CRACD: variants seen among roughly 807,000 people sequenced by gnomAD.
CRACD encodes capping protein-inhibiting regulator of actin dynamics.
A neutral mutation model predicts 106.8 loss-of-function variants in CRACD; 56 were observed. That is an observed-to-expected ratio of 0.52 (90% CI 0.42 to 0.66). The LOEUF is 0.66. CRACD is among the 30% of genes least tolerant of loss of function. The probability of loss-of-function intolerance (pLI) is 0.00; values close to 1 mark genes in which losing one functional copy is unlikely to be tolerated. For missense variants in CRACD, 1,730 were observed against 1,623.2 expected (o/e 1.07, Z -1.13); for synonymous variants, 754 against 670.8 (o/e 1.12, Z -1.92).
At chr4:56,074,526 G>A (rs866135359) in intron 1 of CRACD, among the ~76,000 whole-genome samples, 21 of 152,140 alleles carry the variant, frequency 1.4e-4, no homozygotes, top group South Asian at 1.2e-3. Flanking sequence ...TGATTTTTGC[G>A]CATTGATTTT....
chr4:56,227,710 T>G (rs953195232), intron 2 of CRACD, among the ~76,000 whole-genome samples: 11 of 152,178 alleles, frequency 7.2e-5, no homozygotes, highest in Non-Finnish European at 1.3e-4. Context: ...AAAACTCTAT[T>G]TACGAAAACA....
chr4:56,229,266 G>A (rs1739480453), intron 2 of CRACD, among the ~76,000 whole-genome samples: 1 of 152,124 alleles, frequency 6.6e-6, no homozygotes, highest in South Asian at 2.1e-4. Flanking sequence ...AGGTGGCTCT[G>A]CCCTTATGAA....
Position 56,329,863 on chromosome 4 carries a change from T to C in CRACD, c.*2059T>C, listed in dbSNP as rs1746694484. Among the ~76,000 whole-genome samples, 1 of 152,192 alleles carries C rather than the reference T, an allele frequency of 6.6e-6. No homozygotes were observed. Among genetic ancestry groups the C allele is most frequent in the Non-Finnish European group, 1.5e-5 (1 of 68,034 alleles). On this transcript the variant is annotated 3_prime_UTR_variant, in exon 11 of 11. Coordinates refer to ENST00000682029, the MANE Select transcript of CRACD (RefSeq NM_001393381.1). ...GGAACTAAGATCAGTTACAAAAAGT[T>C]GTAGATGTGTCAACTTTGTATTGGC...
At chr4:56,169,794 T>A (rs1736290237) in intron 1 of CRACD, among the ~76,000 whole-genome samples, 1 of 152,112 alleles carries the variant, frequency 6.6e-6, no homozygotes, top group African/African-American at 2.4e-5. Flanking sequence ...ACTGGCCCGT[T>A]AAGAGTATTG....
intron 2 of CRACD, among the ~76,000 whole-genome samples, chr4:56,215,450 G>T (rs1738628132): frequency 6.6e-6 from 1 of 152,202 alleles, no homozygotes; most frequent in Non-Finnish European, 1.5e-5. Context: ...TAATGCTGGG[G>T]CAACATAAAT....
rs556104220 is a variant in CRACD at position 56,148,251 on chromosome 4, G to A, written c.-335-31033G>A. Among the ~76,000 whole-genome samples the A allele has an allele frequency of 2.7e-5, 4 of 150,856 alleles. No individual in the cohort carries two copies. In the East Asian group the frequency reaches 7.8e-4, roughly 30 times the overall value. On this transcript the variant is annotated intron_variant, in intron 1 of 10. Coordinates refer to ENST00000682029, the MANE Select transcript of CRACD (RefSeq NM_001393381.1). Reference sequence around the variant, plus strand: ...GTACTATCCTAGTGGATATGAAGTGGTACCTCATTGTGCTTTTGTTGTTTT... The same window carrying A: ...GTACTATCCTAGTGGATATGAAGTGATACCTCATTGTGCTTTTGTTGTTTT...
chr4:56,243,688 G>A (rs1020235775), intron 2 of CRACD, among the ~76,000 whole-genome samples: 2 of 152,068 alleles, frequency 1.3e-5, no homozygotes, highest in Non-Finnish European at 2.9e-5. Context: ...TACATAAGAT[G>A]TTTTGACATG....
chr4:56,272,696 G>A (rs1349474460), intron 3 of CRACD, among the ~76,000 whole-genome samples: 1 of 152,064 alleles, frequency 6.6e-6, no homozygotes, highest in Non-Finnish European at 1.5e-5. Flanking sequence ...TTCAAGACCA[G>A]CCTAGGCGAC....
intron 2 of CRACD, among the ~76,000 whole-genome samples, chr4:56,208,611 TAAAG>T (rs1453388855): frequency 6.6e-6 from 1 of 152,190 alleles, no homozygotes; most frequent in Non-Finnish European, 1.5e-5. Flanking sequence ...AAATACACCT[TAAAG>T]AAGGTTAAAC....
At chr4:56,095,517 C>T (rs1019955498) in intron 1 of CRACD, among the ~76,000 whole-genome samples, 3 of 152,172 alleles carry the variant, frequency 2.0e-5, no homozygotes, top group Middle Eastern at 3.4e-3. Context: ...GGTGGTAGCA[C>T]GCGGCTATCA....
chr4:56,204,397 C>A (rs1349467841), intron 2 of CRACD, among the ~76,000 whole-genome samples: 1 of 152,226 alleles, frequency 6.6e-6, no homozygotes, highest in Non-Finnish European at 1.5e-5. Flanking sequence ...AAGGGGCCTG[C>A]ATCTGATGAG....
intron 1 of CRACD, among the ~76,000 whole-genome samples, chr4:56,159,106 T>G (rs1735858639): frequency 1.3e-5 from 2 of 152,222 alleles, no homozygotes; most frequent in African/African-American, 4.8e-5. Flanking sequence ...GAGGAATCAC[T>G]ACTCAAGTCC....
intron 1 of CRACD, among the ~76,000 whole-genome samples, chr4:56,063,387 T>A (rs1462121744): frequency 2.0e-5 from 3 of 152,130 alleles, no homozygotes; most frequent in Non-Finnish European, 4.4e-5. Context: ...GTAAAATATA[T>A]ATAACAAAAA....
intron 2 of CRACD, among the ~76,000 whole-genome samples, chr4:56,209,532 G>A (rs1442887803): frequency 6.6e-6 from 1 of 151,970 alleles, no homozygotes; most frequent in African/African-American, 2.4e-5. Flanking sequence ...TCCCTAGGAA[G>A]TAATTTTGAA....
Position 56,330,119 on chromosome 4 carries a change from G to A in CRACD, c.*2315G>A, listed in dbSNP as rs1746709982. Among the ~76,000 whole-genome samples, 1 of 151,534 alleles carries A rather than the reference G, an allele frequency of 6.6e-6. No homozygotes were observed. The highest frequency in any genetic ancestry group is 1.5e-5 in the Non-Finnish European group (1 of 67,922). The stretch of plus-strand genomic sequence containing the variant: ...AGTCTTCTGAGCAACAAACTATGGG[G>A]AATTCTGTAAAAACATATAAAAAGT... On this transcript the variant is annotated 3_prime_UTR_variant, in exon 11 of 11. Transcript: ENST00000682029.
chr4:56,258,183 C>G (rs55821168), intron 2 of CRACD, among the ~76,000 whole-genome samples: 8 of 152,212 alleles, frequency 5.3e-5, no homozygotes, highest in Non-Finnish European at 1.0e-4. Context: ...CTTATCTTAA[C>G]TCAGACATTC....
Position 56,315,700 on chromosome 4 carries a change from C to T in CRACD, c.2198C>T (p.Thr733Met), listed in dbSNP as rs1320993332. 1.9e-6 allele frequency: 3 copies of T among 1,614,204 alleles called. No individual in the cohort carries two copies. Among genetic ancestry groups the T allele is most frequent in the Non-Finnish European group, 2.5e-6 (3 of 1,180,046 alleles). ...PAWQKFSDGG[T>M]ETSKQSTEAE... Reference sequence around the variant, plus strand: ...TGGCAGAAATTTTCCGATGGTGGCACGGAGACCTCCAAACAGAGCACGGAA... The same window carrying T: ...TGGCAGAAATTTTCCGATGGTGGCATGGAGACCTCCAAACAGAGCACGGAA... The change falls in exon 8 of 11, where the codon ACG (threonine) becomes ATG (methionine). Residue 733 changes from threonine to methionine, a missense_variant. Around this residue, in one of 5 missense-constraint regions of CRACD, gnomAD observed 1,620 missense variants for 1,481.6 expected, o/e 1.09. Coordinates refer to ENST00000682029, the MANE Select transcript of CRACD (RefSeq NM_001393381.1). The surrounding 1 kb of genome is among the most constrained non-coding windows in gnomAD (Gnocchi z 4.1).
chr4:56,247,672 C>A (rs1429079387), intron 2 of CRACD, among the ~76,000 whole-genome samples: 5 of 152,170 alleles, frequency 3.3e-5, no homozygotes, highest in East Asian at 1.9e-4. Context: ...AGGGCAAAAC[C>A]CCGTCTCTAC....
intron 2 of CRACD, among the ~76,000 whole-genome samples, chr4:56,234,496 G>A (rs1311568530): frequency 6.6e-6 from 1 of 152,090 alleles, no homozygotes; most frequent in East Asian, 1.9e-4. Flanking sequence ...ATGTATTTAG[G>A]TTGTTCCCAC....
Sources: allele counts gnomAD v4.1 joint callset (sites outside exome capture counted in the v4.1 genomes callset), GRCh38; gene constraint gnomAD v4.1.1; regional missense constraint gnomAD v4.1.1; non-coding constraint Gnocchi (gnomAD v3.1); transcripts MANE v1.5; gene names NCBI Gene and HGNC (gene_info 2026-07-23, HGNC 2026-07-21).